Variants in LPIN2 observed in about 807,000 individuals in gnomAD.
The protein encoded by LPIN2 is phosphatidate phosphatase LPIN2.
A neutral mutation model predicts 111.4 loss-of-function variants in LPIN2; 55 were observed. That is an observed-to-expected ratio of 0.49 (90% CI 0.40 to 0.62). LPIN2 has a LOEUF of 0.62. Ranked by LOEUF, LPIN2 falls within the 20% of genes least tolerant of loss-of-function variation. LPIN2 has a pLI of 0.00. For missense variants in LPIN2, 992 were observed against 1,112.1 expected, an observed-to-expected ratio of 0.89 and a Z score of 1.54; for synonymous variants, 425 against 414.0, an observed-to-expected ratio of 1.03 and a Z score of -0.32.
intron 1 of LPIN2, among the ~76,000 whole-genome samples, chr18:2,999,898 T>C (rs1477841136): frequency 2.0e-5 from 3 of 151,786 alleles, no homozygotes; most frequent in African/African-American, 7.2e-5. Context: ...TCTACAAAAA[T>C]TAAAAAATAG....
At chr18:2,932,224 C>A (rs1016108248) in intron 8 of LPIN2, among the ~76,000 whole-genome samples, 1 of 152,108 alleles carries the variant, frequency 6.6e-6, no homozygotes, top group Non-Finnish European at 1.5e-5. Context: ...CTACTCTATA[C>A]CCTTTGAATA....
At chr18:2,939,904 A>G (rs2077345178) in intron 5 of LPIN2, among the ~76,000 whole-genome samples, 1 of 152,260 alleles carries the variant, frequency 6.6e-6, no homozygotes, top group South Asian at 2.1e-4. Context: ...TTTGTAGGAA[A>G]GGAAAAGCAG....
Position 2,931,398 on chromosome 18 carries a change from G to A in LPIN2, c.1314C>T (p.Leu438=), listed in dbSNP as rs1039960838. Residue 438 remains leucine, a synonymous_variant, in exon 9 of 20, where the codon CTC becomes CTT. Transcript: ENST00000677752. ...CGGACTGTGGGGACTGGGAGCCAGA[G>A]AGTGTGTCAGACTCGGGCCACTGCC... ...GSRQWPESDT[L]SGSQSPQSVG... 6.2e-7 allele frequency: 1 copy of A among 1,608,964 alleles called. No homozygotes were observed. Among genetic ancestry groups the A allele is most frequent in the African/African-American group, 1.3e-5 (1 of 74,986 alleles).
intron 1 of LPIN2, among the ~76,000 whole-genome samples, chr18:2,997,190 T>C (rs997155334): frequency 6.6e-6 from 1 of 152,086 alleles, no homozygotes; most frequent in South Asian, 2.1e-4. Flanking sequence ...CCATGTTGGC[T>C]AGGCTGGTCT....
At chr18:2,945,425 T>G (rs547555838) in intron 4 of LPIN2, 245 of 626,438 alleles carry the variant, frequency 3.9e-4, no homozygotes, top group Middle Eastern at 1.7e-3. Context: ...AACCTAATGT[T>G]AACCCTGAAA....
chr18:2,997,550 C>CT (rs1224847299), intron 1 of LPIN2, among the ~76,000 whole-genome samples: 6 of 152,180 alleles, frequency 3.9e-5, no homozygotes, highest in African/African-American at 1.2e-4. Flanking sequence ...TGCAGTGTGC[C>CT]ACAATGAAAC....
At chr18:2,928,808 C>T in intron 10 of LPIN2, 148 bp from the exon 11 acceptor site, 1 of 738,780 alleles carries the variant, frequency 1.4e-6, no homozygotes, top group East Asian at 2.7e-5. Flanking sequence ...TTTTTTGTCA[C>T]ATGAATAACC....
At chr18:2,931,631 C>A (rs1028462413) in intron 8 of LPIN2, among the ~76,000 whole-genome samples, 188 bp from the exon 9 acceptor site, 1 of 152,138 alleles carries the variant, frequency 6.6e-6, no homozygotes, top group Non-Finnish European at 1.5e-5. Context: ...GAAAGATAAC[C>A]TAATATAGTA....
intron 2 of LPIN2, among the ~76,000 whole-genome samples, chr18:2,958,257 C>T (rs2077654844): frequency 6.7e-6 from 1 of 149,192 alleles, no homozygotes; most frequent in Non-Finnish European, 1.5e-5. Context: ...ATCAAGTACA[C>T]ATTTACCTTC....
At position 2,945,894 on chromosome 18, in the gene LPIN2, A is replaced by ATG. The variant is rs2077444345; in HGVS notation, c.590+5159_590+5160dup. ...TTTCCCAGCATCTTTTTTAGTCCAC[A>ATG]TGTTTCTCTTTTGTACAGCCCTCTT... On this transcript the variant is annotated intron_variant, in intron 4 of 19. Coordinates refer to ENST00000677752, the MANE Select transcript of LPIN2 (RefSeq NM_001375808.2). The ATG allele has an allele frequency of 2.6e-5, 37 of 1,429,112 alleles. No homozygotes were observed. The South Asian group carries it at 3.4e-4, about 13-fold the overall frequency. 88.5% of individuals were successfully genotyped at this position (1,429,112 alleles called of 1,614,324 possible).
At chr18:2,937,191 G>C (rs1289802320) in intron 7 of LPIN2, among the ~76,000 whole-genome samples, 1 of 152,146 alleles carries the variant, frequency 6.6e-6, no homozygotes, top group Non-Finnish European at 1.5e-5. Flanking sequence ...CAGTGTGCAA[G>C]TCAGGCCCTG....
intron 1 of LPIN2, among the ~76,000 whole-genome samples, chr18:2,988,286 G>GGA (rs2078216512): frequency 6.6e-6 from 1 of 152,016 alleles, no homozygotes; most frequent in African/African-American, 2.4e-5. Context: ...ATGCTCTTCA[G>GGA]GAGAAACGGC....
intron 3 of LPIN2, 133 bp from the exon 4 acceptor site, chr18:2,951,489 TC>T: frequency 2.5e-6 from 2 of 801,710 alleles, no homozygotes; most frequent in Non-Finnish European, 4.0e-6. Flanking sequence ...GGCAAGAAAG[TC>T]CCACTGAACT....
In LPIN2 at chr18:3,008,352, G is replaced by A. The variant is rs562431378; in HGVS notation, c.-10+4735C>T. Among the ~76,000 whole-genome samples, 313 of 152,328 alleles carry A rather than the reference G, an allele frequency of 2.1e-3. 1 individual carries two copies. Among genetic ancestry groups the A allele is most frequent in the African/African-American group, 7.2e-3 (301 of 41,570 alleles). ...AGCTACTCGGGAGTCCGAGGTGGGA[G>A]GATCGCTTGAGCCCTAGAAGCGGAG... is the stretch of plus-strand genomic sequence containing the variant. On this transcript the variant is annotated intron_variant, in intron 1 of 19. Coordinates refer to ENST00000677752, the MANE Select transcript of LPIN2 (RefSeq NM_001375808.2).
In LPIN2 at chr18:2,990,782, C is replaced by CT. The variant is rs1367913889; in HGVS notation, c.-10+22304dup. ...ATGGAAGAACAGGCTCAGAGCCTGA[C>CT]TGACAAAATAAGGGTTGCACTTCAA... On this transcript the variant is annotated intron_variant, in intron 1 of 19. Transcript: ENST00000677752. 64 of 377,014 alleles carry CT rather than the reference C, an allele frequency of 1.7e-4. No individual in the cohort carries two copies. The Middle Eastern group carries it at 3.8e-3, about 22-fold the overall frequency. The allele number at this position is 377,014 out of a possible 1,614,324, so 23.4% of individuals were successfully genotyped here. A position where few individuals can be genotyped will look rare whatever the true frequency, so the allele number is the denominator to read the frequency against.
At chr18:2,931,066 A>G (rs915754062) in intron 9 of LPIN2, among the ~76,000 whole-genome samples, 190 bp downstream of exon 9, 2 of 152,116 alleles carry the variant, frequency 1.3e-5, no homozygotes, top group African/African-American at 4.8e-5. Context: ...CCTCAAAGCC[A>G]CTCCATAAAG....
chr18:2,944,333 CTTTTTTTTTTTTTTTTTTTTT>C lies in LPIN2; in HGVS notation c.591-3642_591-3622del, dbSNP rs768515839. Among the ~76,000 whole-genome samples, 13 of 51,350 alleles carry C rather than the reference CTTTTTTTTTTTTTTTTTTTTT, an allele frequency of 2.5e-4. No homozygotes were observed. The South Asian group carries it at 8.3e-3, about 33-fold the overall frequency. 33.7% of individuals were successfully genotyped at this position (51,350 alleles called of 152,430 possible). On this transcript the variant is annotated intron_variant, in intron 4 of 19. Transcript: ENST00000677752. ...TGATATCCTAATGTATTTCCACAAA[CTTTTTTTTTTTTTTTTTTTTT>C]TTTTTTTTTTTTTTTGAGTCGGAGT...
chr18:3,000,994 GAGAGA>G (rs2078427757), intron 1 of LPIN2, among the ~76,000 whole-genome samples: 1 of 150,896 alleles, frequency 6.6e-6, no homozygotes, highest in African/African-American at 2.4e-5. Flanking sequence ...GAGGGAGAGA[GAGAGA>G]AATTAAAAAG....
At chr18:2,992,893 G>A (rs1302022609) in intron 1 of LPIN2, among the ~76,000 whole-genome samples, 1 of 150,904 alleles carries the variant, frequency 6.6e-6, no homozygotes, top group African/African-American at 2.4e-5. Context: ...GGCTGAGGCA[G>A]GAGAATGGCG....
Sources: allele counts gnomAD v4.1 joint callset (sites outside exome capture counted in the v4.1 genomes callset), GRCh38; gene constraint gnomAD v4.1.1; transcripts MANE v1.5; gene names NCBI Gene and HGNC (gene_info 2026-07-23, HGNC 2026-07-21).